Variants in ARHGEF26 observed in about 807,000 individuals in gnomAD.
ARHGEF26 encodes the protein Rho guanine nucleotide exchange factor (GEF) 26.
A neutral mutation model predicts 89.4 loss-of-function variants in ARHGEF26; 59 were observed. That is an observed-to-expected ratio of 0.66 (90% CI 0.54 to 0.82). ARHGEF26 has a LOEUF of 0.82. Among genes scored for constraint, ARHGEF26 ranks in the 40% least tolerant of loss-of-function variants. The pLI, the probability that ARHGEF26 is intolerant of heterozygous loss-of-function variation, is 0.00. For synonymous variants in ARHGEF26, 500 were observed against 428.4 expected (o/e 1.17, Z -2.06); for missense variants, 1,234 against 1,085.6 (o/e 1.14, Z -1.92).
In ARHGEF26 at chr3:154,122,952, A is replaced by G. The variant is rs771641541; in HGVS notation, c.960A>G (p.Ala320=). The G allele has an allele frequency of 5.6e-6, 9 of 1,613,760 alleles. No homozygotes were observed. Among genetic ancestry groups the G allele is most frequent in the Non-Finnish European group, 1.7e-6 (2 of 1,179,816 alleles). The change falls in exon 2 of 15, where the codon GCA becomes GCG. Residue 320 remains alanine (A), a synonymous_variant. Transcript: ENST00000465093. ...RGLRSTSYRR[A]VVSGFDFDSP... Reference sequence around the variant, plus strand: ...TGCGGTCCACGTCTTATCGCAGGGCAGTGGTCAGTGGCTTTGATTTTGACA... The same window carrying G: ...TGCGGTCCACGTCTTATCGCAGGGCGGTGGTCAGTGGCTTTGATTTTGACA...
intron 6 of ARHGEF26, among the ~76,000 whole-genome samples, chr3:154,161,101 TGTGTGTGTGTGTGTG>T (rs1295441174): frequency 1.8e-3 from 2 of 1,088 alleles, no homozygotes; most frequent in Admixed American, 0.016. Context: ...TAGCCAGGTT[TGTGTGTGTGTGTGTG>T]TGTGTGTGTG....
At position 154,123,078 on chromosome 3, in the gene ARHGEF26, A is replaced by G; in HGVS notation, c.1083+3A>G. ...TTTCCAGTCTGGGAAGGATAAAGGT[A>G]AAAGTGGGCAGGAGTGTGGCACGCC... On this transcript the variant is annotated splice_donor_region_variant and intron_variant, in intron 2 of 14. Transcript: ENST00000465093. 1 of 1,613,510 alleles carries G rather than the reference A, an allele frequency of 6.2e-7. No individual in the cohort carries two copies. The highest frequency in any genetic ancestry group is 8.5e-7 in the Non-Finnish European group (1 of 1,179,588).
At chr3:154,168,877 T>G (rs1712221860) in intron 6 of ARHGEF26, among the ~76,000 whole-genome samples, 1 of 149,900 alleles carries the variant, frequency 6.7e-6, no homozygotes, top group South Asian at 2.1e-4. Context: ...AAAGTCAGTG[T>G]GCCTACAGAT....
chr3:154,197,506 A>G (rs1467659434), intron 9 of ARHGEF26, among the ~76,000 whole-genome samples: 2 of 152,208 alleles, frequency 1.3e-5, no homozygotes, highest in Non-Finnish European at 2.9e-5. Context: ...GTTTAGAACC[A>G]GATGCTGCCT....
At chr3:154,221,039 C>A (rs181988064) in intron 10 of ARHGEF26, among the ~76,000 whole-genome samples, 1,596 of 152,082 alleles carry the variant, frequency 0.01, 19 homozygotes, top group African/African-American at 0.036. Context: ...GGGGGAGAGG[C>A]CTGGAACAGA....
chr3:154,228,352 G>T (rs942648719), intron 11 of ARHGEF26, among the ~76,000 whole-genome samples: 1 of 151,606 alleles, frequency 6.6e-6, no homozygotes, highest in Non-Finnish European at 1.5e-5. Flanking sequence ...TGTCAGGCTG[G>T]TCTAGAACTC....
chr3:154,157,631 A>G lies in ARHGEF26; in HGVS notation c.1487+4699A>G, dbSNP rs1046680610. The stretch of plus-strand genomic sequence containing the variant: ...AGGGTGGAAACTGACAGGGGCCTCC[A>G]AGGGATATTGAGAGATATTTAGAAT... On this transcript the variant is annotated intron_variant, in intron 6 of 14. Coordinates refer to ENST00000465093, the MANE Select transcript of ARHGEF26 (RefSeq NM_015595.4). Among the ~76,000 whole-genome samples, 6 of 152,266 alleles carry G rather than the reference A, an allele frequency of 3.9e-5. No individual in the cohort carries two copies. In the East Asian group the frequency reaches 5.8e-4, roughly 15 times the overall value.
intron 6 of ARHGEF26, among the ~76,000 whole-genome samples, chr3:154,165,384 A>T (rs140021863): frequency 6.6e-6 from 1 of 152,228 alleles, no homozygotes; most frequent in African/African-American, 2.4e-5. Context: ...ACACTAAGTG[A>T]TTTTCTGTTA....
chr3:154,228,456 CT>C (rs1471664375), intron 11 of ARHGEF26, among the ~76,000 whole-genome samples: 2 of 140,430 alleles, frequency 1.4e-5, no homozygotes, highest in African/African-American at 2.6e-5. Flanking sequence ...TTTTCTTTTT[CT>C]TTTTTTTCTT....
chr3:154,156,231 G>A (rs1431838706), intron 6 of ARHGEF26, among the ~76,000 whole-genome samples: 2 of 151,810 alleles, frequency 1.3e-5, no homozygotes, highest in African/African-American at 4.8e-5. Context: ...ATTCATAATT[G>A]GTTAACCTTG....
chr3:154,192,464 A>G (rs546721449), intron 8 of ARHGEF26, among the ~76,000 whole-genome samples: 1 of 152,190 alleles, frequency 6.6e-6, no homozygotes, highest in African/African-American at 2.4e-5. Context: ...GTATTTCAGG[A>G]TTCATAGCAC....
intron 4 of ARHGEF26, among the ~76,000 whole-genome samples, chr3:154,146,255 G>A (rs368802984): frequency 6.6e-6 from 1 of 152,304 alleles, no homozygotes. Context: ...ATTTTAAAGG[G>A]CGTTAATCCC....
At position 154,176,097 on chromosome 3, in the gene ARHGEF26, A is replaced by G. The variant is rs530004664; in HGVS notation, c.1488-11588A>G. The stretch of plus-strand genomic sequence containing the variant: ...ACAGTCTAGCTATCCAGTGGTGCCT[A>G]CCTTCTGTTCTGCAGGTATATCTTT... On this transcript the variant is annotated intron_variant, in intron 6 of 14. Transcript: ENST00000465093. Among the ~76,000 whole-genome samples the G allele has an allele frequency of 7.9e-5, 12 of 152,312 alleles. No individual in the cohort carries two copies. The East Asian group carries it at 2.1e-3, about 27-fold the overall frequency.
At chr3:154,243,170 T>C (rs753854494) in intron 12 of ARHGEF26, among the ~76,000 whole-genome samples, 12 of 152,208 alleles carry the variant, frequency 7.9e-5, no homozygotes, top group Non-Finnish European at 1.5e-4. Flanking sequence ...TTGGATTTTA[T>C]ATGACTTTAA....
At position 154,226,026 on chromosome 3, in the gene ARHGEF26, G is replaced by C; in HGVS notation, c.2090+16G>C. 1 of 1,599,986 alleles carries C rather than the reference G, an allele frequency of 6.3e-7. No homozygotes were observed. The highest frequency in any genetic ancestry group is 8.5e-7 in the Non-Finnish European group (1 of 1,173,642). ...AGAAGAAGAGGTAAGTCTTTATCTG[G>C]TGTTGCTGACTAGACATTCCAGTTT... On this transcript the variant is annotated intron_variant, in intron 11 of 14. Transcript: ENST00000465093.
intron 6 of ARHGEF26, among the ~76,000 whole-genome samples, chr3:154,185,095 C>T (rs1362544371): frequency 6.6e-6 from 1 of 152,152 alleles, no homozygotes; most frequent in African/African-American, 2.4e-5. Context: ...GGTCACTCTG[C>T]CCTCTGGAGT....
intron 6 of ARHGEF26, among the ~76,000 whole-genome samples, chr3:154,166,580 G>C (rs1712055376): frequency 6.6e-6 from 1 of 152,176 alleles, no homozygotes; most frequent in Non-Finnish European, 1.5e-5. Context: ...TTTAGTGAGT[G>C]TATGTATTTG....
In ARHGEF26 at chr3:154,124,444, G is replaced by A; in HGVS notation, c.1118G>A (p.Gly373Glu). 1 of 1,535,152 alleles carries A rather than the reference G, an allele frequency of 6.5e-7. No individual in the cohort carries two copies. Among genetic ancestry groups the A allele is most frequent in the Admixed American group, 2.3e-5 (1 of 42,620 alleles). The change falls in exon 3 of 15, where the codon GGG (glycine) becomes GAG (glutamate). Residue 373 changes from glycine to glutamate, a missense_variant. Coordinates refer to ENST00000465093, the MANE Select transcript of ARHGEF26 (RefSeq NM_015595.4). The stretch of plus-strand genomic sequence containing the variant: ...CTGAAAGGACAAGGAACATTTGATG[G>A]GGAAGGTAAGCATTTAATTTTCCAA... ...KMLKGQGTFD[G>E]EENAVLYQNY... is the part of the protein sequence containing the mutation.
chr3:154,203,560 C>T (rs1444942887), intron 9 of ARHGEF26, among the ~76,000 whole-genome samples: 1 of 152,036 alleles, frequency 6.6e-6, no homozygotes, highest in African/African-American at 2.4e-5. Flanking sequence ...TTGTTATGTT[C>T]CAGATATTAG....
Sources: gnomAD v4.1 joint callset for allele counts (sites outside exome capture counted in the v4.1 genomes callset) on GRCh38, gnomAD v4.1.1 for gene constraint, MANE v1.5 for transcripts, NCBI Gene and HGNC (gene_info 2026-07-23, HGNC 2026-07-21) for gene names.